The following ADAT1 variants were observed in gnomAD, a reference collection of about 807,000 sequenced individuals.
ADAT1 encodes the protein adenosine deaminase tRNA specific 1, also known as tRNA-specific adenosine deaminase 1.
A neutral mutation model predicts 58.6 loss-of-function variants in ADAT1; 58 were observed. The observed-to-expected ratio is 0.99, with a 90% confidence interval of 0.80 to 1.23. ADAT1 has a LOEUF of 1.23. Among genes scored for constraint, ADAT1 ranks in the 50% most tolerant of loss-of-function variants. The probability of loss-of-function intolerance (pLI) is 0.00; values close to 1 mark genes in which losing one functional copy is unlikely to be tolerated. For synonymous variants in ADAT1, 254 were observed against 220.8 expected (o/e 1.15, Z -1.33); for missense variants, 741 against 608.6 (o/e 1.22, Z -2.29).
chr16:75,616,032 T>C (rs1391572200), intron 5 of ADAT1, among the ~76,000 whole-genome samples: 1 of 151,274 alleles, frequency 6.6e-6, no homozygotes, highest in Non-Finnish European at 1.5e-5. Context: ...TCTTTTTGAC[T>C]GAGTCTTGCC....
In ADAT1 at chr16:75,623,131, G is replaced by A. The variant is rs950974014; in HGVS notation, c.-750C>T. 11 of 152,124 alleles carry A rather than the reference G, an allele frequency of 7.2e-5. No homozygotes were observed. Among genetic ancestry groups the A allele is most frequent in the Admixed American group, 2.0e-4 (3 of 15,284 alleles). The allele number at this position is 152,124 out of a possible 1,614,324, so 9.4% of individuals were successfully genotyped here. A position where few individuals can be genotyped will look rare whatever the true frequency, so the allele number is the denominator to read the frequency against. ...CGCCTTCCCACGTGAAACGCGTCCC[G>A]GAAGATACGATCCTCACAACCTCTT... On this transcript the variant is annotated 5_prime_UTR_variant, in exon 1 of 10. Transcript: ENST00000564657.
intron 5 of ADAT1, among the ~76,000 whole-genome samples, chr16:75,614,522 A>C (rs1567478780): frequency 6.6e-6 from 1 of 152,222 alleles, no homozygotes; most frequent in Non-Finnish European, 1.5e-5. Context: ...AGAGTGGGAA[A>C]GGCAAGAGAT....
At chr16:75,607,699 C>T (rs1480427610) in intron 8 of ADAT1, among the ~76,000 whole-genome samples, 1 of 152,058 alleles carries the variant, frequency 6.6e-6, no homozygotes, top group Non-Finnish European at 1.5e-5. Flanking sequence ...ATAACAATTA[C>T]CATATGACCC....
intron 5 of ADAT1, among the ~76,000 whole-genome samples, 162 bp downstream of exon 5, chr16:75,616,980 C>G (rs372302323): frequency 6.6e-6 from 1 of 152,218 alleles, no homozygotes; most frequent in Non-Finnish European, 1.5e-5. Context: ...ATTAGGTACA[C>G]TAGCCTGTCA....
chr16:75,619,960 C>T (rs61036571), intron 3 of ADAT1, among the ~76,000 whole-genome samples: 17,639 of 151,216 alleles, frequency 0.12, 2,624 homozygotes, highest in East Asian at 0.73. Context: ...GCATCCTCTA[C>T]CTGCTATAGA....
chr16:75,615,572 C>A, intron 5 of ADAT1, among the ~76,000 whole-genome samples: 1 of 144,780 alleles, frequency 6.9e-6, no homozygotes, highest in South Asian at 2.2e-4. Context: ...TCTTGGGCCA[C>A]ATTCAAAGCT....
In ADAT1 at chr16:75,612,686, C is replaced by A; in HGVS notation, c.600G>T (p.Glu200Asp). ...TGACCTCCCTGGCTGCAGTCCCAGG[C>A]TCAAGCCTCATCTTTTTGGTTACAG... ...DSPVTKKMRL[E>D]PGTAAREVTN... Residue 200 changes from glutamate (E) to aspartate (D), a missense_variant, in exon 6 of 10, where the codon GAG (glutamate) becomes GAT (aspartate). Coordinates refer to ENST00000564657, the MANE Select transcript of ADAT1 (RefSeq NM_001324445.2). 1 of 1,614,104 alleles carries A rather than the reference C, an allele frequency of 6.2e-7. No homozygotes were observed. The highest frequency in any genetic ancestry group is 8.5e-7 in the Non-Finnish European group (1 of 1,180,024).
intron 5 of ADAT1, among the ~76,000 whole-genome samples, chr16:75,616,784 G>A (rs1395772103): frequency 6.6e-6 from 1 of 152,188 alleles, no homozygotes; most frequent in African/African-American, 2.4e-5. Flanking sequence ...TTTGTTCAAT[G>A]ACTAAATGAA....
chr16:75,605,437 A>G (rs914720479), intron 8 of ADAT1, among the ~76,000 whole-genome samples: 2 of 151,994 alleles, frequency 1.3e-5, no homozygotes, highest in African/African-American at 2.4e-5. Context: ...AGTTTGCTTT[A>G]TTTTAAGAAT....
intron 6 of ADAT1, among the ~76,000 whole-genome samples, chr16:75,611,371 T>C (rs1002143536): frequency 6.6e-6 from 1 of 152,076 alleles, no homozygotes; most frequent in Non-Finnish European, 1.5e-5. Flanking sequence ...TATAGACATG[T>C]TTCCATATTA....
At chr16:75,602,972 A>C in intron 9 of ADAT1, 113 bp downstream of exon 9, 1 of 862,968 alleles carries the variant, frequency 1.2e-6, no homozygotes, top group Non-Finnish European at 1.9e-6. Flanking sequence ...GTCAACAATA[A>C]GTGCCACTGG....
intron 8 of ADAT1, among the ~76,000 whole-genome samples, chr16:75,603,999 C>G: frequency 6.6e-6 from 1 of 152,154 alleles, no homozygotes. Flanking sequence ...TAAAGGGGAA[C>G]CCTGAGCACT....
In ADAT1 at chr16:75,618,632, G is replaced by C; in HGVS notation, c.247C>G (p.Leu83Val). ...ATGACCTCAGCATGGCTATCATTGAGGATGTCTCCTGCGGCAAAGATAGGA... is the reference window on the plus strand; with the variant it reads ...ATGACCTCAGCATGGCTATCATTGACGATGTCTCCTGCGGCAAAGATAGGA... ...QSKMRKNGDI[L>V]NDSHAEVIAR... Residue 83 changes from leucine to valine, a missense_variant, in exon 4 of 10, where the codon CTC becomes GTC. By Grantham distance (32) the Leu-to-Val change is conservative (BLOSUM62 1). Transcript: ENST00000564657. 1.9e-6 allele frequency: 3 copies of C among 1,612,838 alleles called. No homozygotes were observed. The highest frequency in any genetic ancestry group is 2.5e-6 in the Non-Finnish European group (3 of 1,179,510).
rs1468228293 is a variant in ADAT1, at chr16:75,613,524, C to CCTCA, written c.425-667_425-664dup. On this transcript the variant is annotated intron_variant, in intron 5 of 9. Transcript: ENST00000564657. ...ACCATGTTGGCCAGGCTGGTCTTGA[C>CCTCA]CTCAAGTGACTCCTGACCTCGAGTG... Among the ~76,000 whole-genome samples the CCTCA allele has an allele frequency of 2.6e-5, 4 of 152,160 alleles. No homozygotes were observed. In the East Asian group the frequency reaches 7.8e-4, roughly 29 times the overall value.
Position 75,612,370 on chromosome 16 carries a change from A to T in ADAT1, c.916T>A (p.Trp306Arg). ...GCCCCTTGGCATCCGAGGACGTTCC[A>T]TCGGGCCATCTTGTCACTACAGGAC... ...SMSCSDKMARWNVLGCQGALL... is the reference protein window; with the variant it reads ...SMSCSDKMARRNVLGCQGALL... The change falls in exon 6 of 10, where the codon TGG (tryptophan) becomes AGG (arginine). Residue 306 changes from tryptophan to arginine, a missense_variant. Coordinates refer to ENST00000564657, the MANE Select transcript of ADAT1 (RefSeq NM_001324445.2). 2 of 1,614,238 alleles carry T rather than the reference A, an allele frequency of 1.2e-6. No individual in the cohort carries two copies. The highest frequency in any genetic ancestry group is 1.1e-5 in the South Asian group (1 of 91,086).
chr16:75,610,140 G>T (rs2081484851), intron 6 of ADAT1, among the ~76,000 whole-genome samples: 1 of 152,302 alleles, frequency 6.6e-6, no homozygotes, highest in South Asian at 2.1e-4. Flanking sequence ...GCATGTAATA[G>T]TACTTCAGTC....
rs763369581 is a variant in ADAT1 at position 75,617,265 on chromosome 16, G to A, written c.301C>T (p.Leu101Phe). Residue 101 changes from leucine to phenylalanine, a missense_variant, in exon 5 of 10, where the codon CTC becomes TTC. Leu to Phe is a conservative substitution (Grantham distance 22). Coordinates refer to ENST00000564657, the MANE Select transcript of ADAT1 (RefSeq NM_001324445.2). ...IARRSFQRYL[L>F]HQLQLAATLK... ...GTGGCTGCCAACTGGAGTTGGTGGAGAAGGTACCTAAGGGTTGCAAGATGT... is the reference window on the plus strand; with the variant it reads ...GTGGCTGCCAACTGGAGTTGGTGGAAAAGGTACCTAAGGGTTGCAAGATGT... 1 of 1,613,484 alleles carries A rather than the reference G, an allele frequency of 6.2e-7. No homozygotes were observed. Among genetic ancestry groups the A allele is most frequent in the Non-Finnish European group, 8.5e-7 (1 of 1,179,446 alleles).
Position 75,620,822 on chromosome 16 carries a change from T to TG in ADAT1, c.-21-3_-21-2insC. Reference sequence around the variant, plus strand: ...CATGGTCTGAGCTGGTATTGAGACCTTGATCAAAAACCACAACCATCAGAA... The same window carrying TG: ...CATGGTCTGAGCTGGTATTGAGACCTGTGATCAAAAACCACAACCATCAGAA... On this transcript the variant is annotated splice_polypyrimidine_tract_variant and splice_region_variant and intron_variant, in intron 1 of 9. Transcript: ENST00000564657. 1 of 1,594,538 alleles carries TG rather than the reference T, an allele frequency of 6.3e-7. No individual in the cohort carries two copies. Among genetic ancestry groups the TG allele is most frequent in the Non-Finnish European group, 8.6e-7 (1 of 1,165,942 alleles).
At position 75,597,641 on chromosome 16, in the gene ADAT1, A is replaced by G. The variant is rs2081106743; in HGVS notation, c.*2575T>C. 1.3e-5 allele frequency among the ~76,000 whole-genome samples: 2 copies of G among 152,164 alleles called. No homozygotes were observed. Among genetic ancestry groups the G allele is most frequent in the Non-Finnish European group, 2.9e-5 (2 of 68,026 alleles). On this transcript the variant is annotated 3_prime_UTR_variant, in exon 10 of 10. Transcript: ENST00000564657. ...TGATGAAATAATTATACAACTCACC[A>G]TAAGGTAGAATCAGTAGGAGCCCTG...
Sources: gnomAD v4.1 joint callset for allele counts (sites outside exome capture counted in the v4.1 genomes callset) on GRCh38, gnomAD v4.1.1 for gene constraint, MANE v1.5 for transcripts, NCBI Gene and HGNC (gene_info 2026-07-23, HGNC 2026-07-21) for gene names.